The following NELL2 variants were observed in gnomAD, a reference collection of about 807,000 sequenced individuals.
NELL2 encodes the protein protein kinase C-binding protein NELL2.
NELL2 carries 41 observed loss-of-function variants against 109.6 expected under a neutral mutation model. The ratio of observed to expected loss-of-function variants is 0.37; its 90% CI spans 0.29 to 0.49. The LOEUF is 0.49. Ranked by LOEUF, NELL2 falls within the 20% of genes least tolerant of loss-of-function variation. The probability of loss-of-function intolerance (pLI) is 0.98; values close to 1 mark genes in which losing one functional copy is unlikely to be tolerated. For missense variants in NELL2, 900 were observed against 1,008.3 expected, an observed-to-expected ratio of 0.89 and a Z score of 1.45; for synonymous variants, 355 against 344.7, an observed-to-expected ratio of 1.03 and a Z score of -0.33.
chr12:44,617,909 T>C (rs1397398426), intron 13 of NELL2, among the ~76,000 whole-genome samples: 1 of 152,090 alleles, frequency 6.6e-6, no homozygotes, highest in Admixed American at 6.5e-5. Flanking sequence ...ACAGTGTTTG[T>C]TCTCCTCACA....
intron 15 of NELL2, among the ~76,000 whole-genome samples, chr12:44,599,197 A>G (rs1391900966): frequency 6.6e-6 from 1 of 152,212 alleles, no homozygotes; most frequent in African/African-American, 2.4e-5. Flanking sequence ...TCAGACACCA[A>G]AAGTCCAAAA....
intron 3 of NELL2, among the ~76,000 whole-genome samples, chr12:44,807,558 G>C (rs1039208453): frequency 2.6e-5 from 4 of 151,666 alleles, no homozygotes; most frequent in African/African-American, 7.3e-5. Context: ...AAATAATAAA[G>C]TCACAAATTT....
At chr12:44,538,298 C>G (rs980995706) in intron 15 of NELL2, among the ~76,000 whole-genome samples, 3 of 152,148 alleles carry the variant, frequency 2.0e-5, no homozygotes, top group Admixed American at 1.3e-4. Context: ...GCTCTTTGAA[C>G]TAGGAATAAT....
At chr12:44,530,246 T>C (rs746760606) in intron 16 of NELL2, among the ~76,000 whole-genome samples, 31 of 152,190 alleles carry the variant, frequency 2.0e-4, no homozygotes, top group Non-Finnish European at 4.0e-4. Flanking sequence ...GGCAGATCTC[T>C]TTTGACTACT....
chr12:44,867,227 C>T (rs764440577), intron 2 of NELL2, among the ~76,000 whole-genome samples: 7 of 152,176 alleles, frequency 4.6e-5, no homozygotes, highest in Middle Eastern at 3.4e-3. Flanking sequence ...TGAAATAATC[C>T]TCAACGAAAT....
At chr12:44,663,845 T>C (rs1947830893) in intron 13 of NELL2, among the ~76,000 whole-genome samples, 1 of 152,154 alleles carries the variant, frequency 6.6e-6, no homozygotes, top group Non-Finnish European at 1.5e-5. Context: ...CCAAATTATG[T>C]CCCATGTCCT....
chr12:44,888,239 C>A (rs1393389010), intron 1 of NELL2, among the ~76,000 whole-genome samples: 1 of 151,962 alleles, frequency 6.6e-6, no homozygotes, highest in Non-Finnish European at 1.5e-5. Context: ...GTTACTATAG[C>A]TTTGTAGCAA....
chr12:44,653,228 T>C (rs1213925955), intron 13 of NELL2, among the ~76,000 whole-genome samples: 2 of 152,212 alleles, frequency 1.3e-5, no homozygotes, highest in African/African-American at 4.8e-5. Flanking sequence ...ACTTTACATG[T>C]GTTTTTCTTA....
At chr12:44,665,031 C>G (rs1007026853) in intron 13 of NELL2, among the ~76,000 whole-genome samples, 4 of 152,032 alleles carry the variant, frequency 2.6e-5, no homozygotes, top group Non-Finnish European at 5.9e-5. Flanking sequence ...ATGTAGTTCT[C>G]AATTGTACTT....
intron 12 of NELL2, among the ~76,000 whole-genome samples, chr12:44,684,856 G>A (rs1419846145): frequency 3.9e-5 from 6 of 152,150 alleles, no homozygotes; most frequent in South Asian, 4.2e-4. Flanking sequence ...TCAGTTTTGG[G>A]ATAGGTGTGG....
chr12:44,742,496 G>A (rs1331102871), intron 9 of NELL2, among the ~76,000 whole-genome samples: 2 of 152,148 alleles, frequency 1.3e-5, no homozygotes. Flanking sequence ...GGCTTCAGAC[G>A]ATCAAACTAC....
intron 9 of NELL2, among the ~76,000 whole-genome samples, chr12:44,719,217 T>G (rs2136450640): frequency 6.6e-6 from 1 of 152,258 alleles, no homozygotes; most frequent in Middle Eastern, 3.4e-3. Context: ...AAGTGAAAGG[T>G]AATTTATAAC....
intron 13 of NELL2, among the ~76,000 whole-genome samples, chr12:44,635,775 T>C (rs1946616913): frequency 6.6e-6 from 1 of 152,174 alleles, no homozygotes; most frequent in Non-Finnish European, 1.5e-5. Flanking sequence ...GGGCTCTTTT[T>C]TGGTTCCATA....
chr12:44,554,519 G>A (rs529601606), intron 15 of NELL2, among the ~76,000 whole-genome samples: 14 of 152,216 alleles, frequency 9.2e-5, no homozygotes, highest in Admixed American at 3.3e-4. Flanking sequence ...GGATATGTTC[G>A]CTAGTTTGAT....
chr12:44,555,394 G>C (rs531027591), intron 15 of NELL2, among the ~76,000 whole-genome samples: 101 of 152,208 alleles, frequency 6.6e-4, no homozygotes, highest in African/African-American at 2.4e-3. Context: ...CCTAGAGTAG[G>C]GAGTATTTCT....
At chr12:44,876,919 C>T, upstream of NELL2, 2 of 1,240,212 alleles carry the variant, frequency 1.6e-6, no homozygotes, top group Non-Finnish European at 2.0e-6. Flanking sequence ...CTGCCGGGGG[C>T]GGGGCGCTGG....
chr12:44,812,821 A>G (rs1943222078), intron 3 of NELL2, among the ~76,000 whole-genome samples: 1 of 152,172 alleles, frequency 6.6e-6, no homozygotes, highest in Non-Finnish European at 1.5e-5. Context: ...TGCTGAAAAA[A>G]AGGCAATAAA....
chr12:44,770,314 C>G (rs1473526149), intron 9 of NELL2, among the ~76,000 whole-genome samples: 2 of 152,070 alleles, frequency 1.3e-5, no homozygotes, highest in South Asian at 2.1e-4. Context: ...CTATTCAGTG[C>G]TTACACAGCC....
chr12:44,833,022 A>C (rs1943933864), intron 2 of NELL2, among the ~76,000 whole-genome samples: 1 of 152,208 alleles, frequency 6.6e-6, no homozygotes, highest in African/African-American at 2.4e-5. Flanking sequence ...ATGCCCAGAA[A>C]CACCTTCCAG....
Sources: allele counts gnomAD v4.1 joint callset (sites outside exome capture counted in the v4.1 genomes callset), GRCh38; gene constraint gnomAD v4.1.1; transcripts MANE v1.5; gene names NCBI Gene and HGNC (gene_info 2026-07-23, HGNC 2026-07-21).